Variants in DPH6 observed in about 807,000 individuals in gnomAD.
DPH6 encodes diphthine--ammonia ligase.
Under a neutral mutation model 38.2 loss-of-function variants are expected in DPH6, and 33 were observed. That is an observed-to-expected ratio of 0.86 (90% CI 0.65 to 1.15). DPH6 has a LOEUF of 1.15. DPH6 is among the 50% of genes most tolerant of loss of function. The pLI is 0.00. For missense variants in DPH6, 325 were observed against 320.0 expected (o/e 1.02, Z -0.12); for synonymous variants, 108 against 103.0 (o/e 1.05, Z -0.30).
At chr15:35,367,883 T>A (rs997450366), downstream of DPH6, among the ~76,000 whole-genome samples, 8 of 151,814 alleles carry the variant, frequency 5.3e-5, no homozygotes, top group African/African-American at 1.4e-4. Context: ...ATAGAACTCA[T>A]TAAATGGCAT....
chr15:35,201,614 T>C, the DPH6 span, among the ~76,000 whole-genome samples: 2,152 of 151,952 alleles, frequency 0.014, 46 homozygotes, highest in African/African-American at 0.049. Context: ...ATTTGTCTTT[T>C]TGCATGTTGC....
At chr15:35,535,761 T>C (rs1283194166) in intron 3 of DPH6, among the ~76,000 whole-genome samples, 1 of 152,160 alleles carries the variant, frequency 6.6e-6, no homozygotes, top group African/African-American at 2.4e-5. Context: ...TACATACCTC[T>C]AGCTGTCAGA....
the DPH6 span, among the ~76,000 whole-genome samples, chr15:35,199,370 T>C: frequency 6.6e-6 from 1 of 152,210 alleles, no homozygotes; most frequent in Non-Finnish European, 1.5e-5. Flanking sequence ...TCTTGTATAA[T>C]GGAAGAGAAT....
intron 3 of DPH6, among the ~76,000 whole-genome samples, chr15:35,356,859 T>C (rs1190203485): frequency 6.6e-6 from 1 of 152,238 alleles, no homozygotes; most frequent in Non-Finnish European, 1.5e-5. Flanking sequence ...GTCTTTTGTT[T>C]GGCTATGCCC....
intron 3 of DPH6, among the ~76,000 whole-genome samples, chr15:35,286,649 A>G (rs1295386189): frequency 1.3e-5 from 2 of 152,244 alleles, no homozygotes; most frequent in African/African-American, 4.8e-5. Context: ...ATATTGATCT[A>G]TCCAGTACAT....
chr15:35,532,578 T>A (rs752423878), intron 3 of DPH6, among the ~76,000 whole-genome samples: 1 of 152,116 alleles, frequency 6.6e-6, no homozygotes, highest in East Asian at 1.9e-4. Context: ...TGCTTTTAAT[T>A]AAGGAAATAC....
chr15:35,403,598 C>A (rs2053250867), intron 6 of DPH6, among the ~76,000 whole-genome samples: 1 of 152,026 alleles, frequency 6.6e-6, no homozygotes, highest in Admixed American at 6.6e-5. Flanking sequence ...GCAGCCTCGA[C>A]TTCCTGGACT....
intron 5 of DPH6, among the ~76,000 whole-genome samples, chr15:35,420,996 T>G (rs1319084124): frequency 2.6e-5 from 4 of 151,918 alleles, no homozygotes; most frequent in Non-Finnish European, 5.9e-5. Flanking sequence ...TTAACAACAG[T>G]TAAATACAGT....
chr15:35,146,366 T>C, the DPH6 span, among the ~76,000 whole-genome samples: 1 of 152,212 alleles, frequency 6.6e-6, no homozygotes, highest in Non-Finnish European at 1.5e-5. Context: ...TGCTGAATGT[T>C]ATGGGTATTG....
At chr15:35,331,951 T>C (rs1315102233) in intron 3 of DPH6, among the ~76,000 whole-genome samples, 2 of 152,124 alleles carry the variant, frequency 1.3e-5, no homozygotes, top group African/African-American at 4.8e-5. Context: ...CCCAGAGCTT[T>C]TGGTAGAGCA....
chr15:35,163,080 C>T, the DPH6 span, among the ~76,000 whole-genome samples: 1 of 151,848 alleles, frequency 6.6e-6, no homozygotes, highest in African/African-American at 2.4e-5. Flanking sequence ...CCTCGGTGAG[C>T]AGAAAGGTGA....
chr15:35,424,970 C>T (rs2053550240), intron 5 of DPH6, among the ~76,000 whole-genome samples: 1 of 151,598 alleles, frequency 6.6e-6, no homozygotes, highest in Non-Finnish European at 1.5e-5. Flanking sequence ...CCTTCAGACC[C>T]TGTGTTGTGA....
At chr15:35,172,577 G>C in the DPH6 span, among the ~76,000 whole-genome samples, 1 of 152,106 alleles carries the variant, frequency 6.6e-6, no homozygotes, top group African/African-American at 2.4e-5. Flanking sequence ...CATCATTTGT[G>C]GTAACTTAGT....
the DPH6 span, among the ~76,000 whole-genome samples, chr15:35,180,196 G>A: frequency 6.6e-6 from 1 of 151,690 alleles, no homozygotes; most frequent in East Asian, 1.9e-4. Context: ...ACTATACTCT[G>A]AAAAAAAGTG....
rs1310540683 is a variant in DPH6 at position 35,538,366 on chromosome 15, T to C, written c.220A>G (p.Ile74Val). The change falls in exon 3 of 9, where the codon ATA (isoleucine) becomes GTA (valine). Residue 74 changes from isoleucine (I) to valine (V), a missense_variant. Physicochemically the swap from Ile to Val is conservative, Grantham distance 29. Coordinates refer to ENST00000256538, the MANE Select transcript of DPH6 (RefSeq NM_080650.4). ...AMALPLYRRT[I>V]RGRSLDTRQV... ...CTTGTATCCAAGCTCCTTCCTCTTA[T>C]GGTTCGGCGATAGAGGGGAAGAGCC... 5 of 1,611,926 alleles carry C rather than the reference T, an allele frequency of 3.1e-6. No homozygotes were observed. The highest frequency in any genetic ancestry group is 4.2e-6 in the Non-Finnish European group (5 of 1,178,454).
chr15:35,366,462 T>A (rs1447487886), downstream of DPH6, among the ~76,000 whole-genome samples: 1 of 152,010 alleles, frequency 6.6e-6, no homozygotes, highest in Admixed American at 6.6e-5. Flanking sequence ...AAACTCACTA[T>A]ACTGCTCTCT....
At chr15:35,194,242 C>G in the DPH6 span, among the ~76,000 whole-genome samples, 2 of 152,066 alleles carry the variant, frequency 1.3e-5, no homozygotes, top group African/African-American at 4.8e-5. Context: ...AAGGAAAGAG[C>G]CTGGGGTTTC....
intron 3 of DPH6, among the ~76,000 whole-genome samples, chr15:35,466,018 T>G (rs2054121875): frequency 6.6e-6 from 1 of 152,074 alleles, no homozygotes; most frequent in Admixed American, 6.6e-5. Context: ...TTCCTTGAGT[T>G]TCTGAAGCAA....
chr15:35,476,945 T>A (rs1417784288), intron 3 of DPH6, among the ~76,000 whole-genome samples: 1 of 151,822 alleles, frequency 6.6e-6, no homozygotes, highest in Non-Finnish European at 1.5e-5. Flanking sequence ...ACTAACATTT[T>A]CTGCTCTAAA....
Sources: gnomAD v4.1 joint callset for allele counts (sites outside exome capture counted in the v4.1 genomes callset) on GRCh38, gnomAD v4.1.1 for gene constraint, MANE v1.5 for transcripts, NCBI Gene and HGNC (gene_info 2026-07-23, HGNC 2026-07-21) for gene names.